FOXP1: variants seen among roughly 807,000 people sequenced by gnomAD.
The protein encoded by FOXP1 is forkhead box protein P1.
A neutral mutation model predicts 98.2 loss-of-function variants in FOXP1; 15 were observed. That is an observed-to-expected ratio of 0.15 (90% confidence interval 0.10 to 0.24). The LOEUF (loss-of-function observed/expected upper bound fraction) is 0.24. Ranked by LOEUF, FOXP1 falls within the 10% of genes least tolerant of loss-of-function variation. The probability of loss-of-function intolerance (pLI) is 1.00; values close to 1 mark genes in which losing one functional copy is unlikely to be tolerated. For synonymous variants in FOXP1, 371 were observed against 314.5 expected, an observed-to-expected ratio of 1.18 and a Z score of -1.90; for missense variants, 633 against 848.5, an observed-to-expected ratio of 0.75 and a Z score of 3.15.
intron 5 of FOXP1, among the ~76,000 whole-genome samples, chr3:71,248,613 C>A (rs142792846): frequency 5.9e-5 from 9 of 152,124 alleles, no homozygotes; most frequent in African/African-American, 2.2e-4. Flanking sequence ...TAGTGGCGCG[C>A]ACATGTAATC....
chr3:70,988,176 G>T, intron 13 of FOXP1, 99 bp from the exon 14 acceptor site: 1 of 1,047,792 alleles, frequency 9.5e-7, no homozygotes, highest in Non-Finnish European at 1.5e-6. Flanking sequence ...TGGCACCACA[G>T]CACATGATAA....
intron 5 of FOXP1, among the ~76,000 whole-genome samples, chr3:71,290,331 T>TAA (rs1458992898): frequency 2.0e-5 from 3 of 152,208 alleles, no homozygotes; most frequent in Non-Finnish European, 4.4e-5. Flanking sequence ...ACAAAAATCT[T>TAA]AAGAGTCTTC....
intron 5 of FOXP1, among the ~76,000 whole-genome samples, chr3:71,243,465 C>T: frequency 6.6e-6 from 1 of 152,250 alleles, no homozygotes; most frequent in Admixed American, 6.5e-5. Flanking sequence ...AAAAGCCAAG[C>T]ACTGTGGCAT....
In FOXP1 at chr3:71,014,818, AG is replaced by A. The variant is rs1047391553; in HGVS notation, c.974+730del. Among the ~76,000 whole-genome samples, 30 of 152,372 alleles carry A rather than the reference AG, an allele frequency of 2.0e-4. No homozygotes were observed. In the Middle Eastern group the frequency reaches 0.01, roughly 52 times the overall value. The stretch of plus-strand genomic sequence containing the variant: ...ATGGAATACTATGCAGCCATAAAAA[AG>A]GATGAGTTCATGTCCTCTGTAGGGA... On this transcript the variant is annotated intron_variant, in intron 12 of 20. Transcript: ENST00000649528.
intron 4 of FOXP1, among the ~76,000 whole-genome samples, chr3:71,348,594 G>A (rs545590546): frequency 6.6e-6 from 1 of 151,562 alleles, no homozygotes; most frequent in African/African-American, 2.4e-5. Context: ...AGTCACACAT[G>A]CAGGTGTGTA....
chr3:71,470,478 G>C (rs530611286), intron 3 of FOXP1, among the ~76,000 whole-genome samples: 64 of 152,272 alleles, frequency 4.2e-4, no homozygotes, highest in African/African-American at 1.5e-3. Flanking sequence ...GGTGGCTCAC[G>C]CCTTTAATCC....
chr3:71,338,297 C>T (rs1467712367), intron 4 of FOXP1, among the ~76,000 whole-genome samples: 1 of 151,180 alleles, frequency 6.6e-6, no homozygotes, highest in Non-Finnish European at 1.5e-5. Flanking sequence ...TAATCCTCTT[C>T]GGTTATTAGC....
At chr3:71,502,980 GAAAA>G (rs3037713) in intron 2 of FOXP1, among the ~76,000 whole-genome samples, 4 of 141,496 alleles carry the variant, frequency 2.8e-5, no homozygotes, top group Non-Finnish European at 6.1e-5. Flanking sequence ...TTTACAATTA[GAAAA>G]AAAAAAAAAA....
At chr3:71,579,632 C>CT (rs35646548) in intron 2 of FOXP1, among the ~76,000 whole-genome samples, 62,779 of 123,084 alleles carry the variant, frequency 0.51, 16,376 homozygotes, top group Non-Finnish European at 0.58. Context: ...TTTCTTTTTT[C>CT]TTTTTTTTTT....
intron 3 of FOXP1, among the ~76,000 whole-genome samples, chr3:71,370,704 T>C (rs1243114933): frequency 6.6e-6 from 1 of 152,028 alleles, no homozygotes; most frequent in Non-Finnish European, 1.5e-5. Context: ...AAACACCCTA[T>C]AACGGGCTTC....
At chr3:71,205,667 G>A (rs2063984065) in intron 5 of FOXP1, among the ~76,000 whole-genome samples, 1 of 152,204 alleles carries the variant, frequency 6.6e-6, no homozygotes, top group South Asian at 2.1e-4. Context: ...ACCAGCTGTA[G>A]GGGCACCCCT....
chr3:71,224,351 T>TG (rs1019700486), intron 5 of FOXP1, among the ~76,000 whole-genome samples: 7 of 151,952 alleles, frequency 4.6e-5, no homozygotes, highest in Non-Finnish European at 1.0e-4. Flanking sequence ...TGATCGTAGA[T>TG]GGAGTTGGGG....
intron 3 of FOXP1, among the ~76,000 whole-genome samples, chr3:71,375,754 G>C (rs1055200009): frequency 2.6e-5 from 4 of 152,182 alleles, no homozygotes; most frequent in African/African-American, 9.6e-5. Context: ...CACTGTTCTA[G>C]TTGTTGATAT....
intron 7 of FOXP1, 37 bp downstream of exon 7, chr3:71,112,499 G>A (rs1330910501): frequency 6.8e-7 from 1 of 1,462,112 alleles, no homozygotes; most frequent in Admixed American, 1.7e-5. Flanking sequence ...TATCCCAAAG[G>A]GTATAATGTC....
chr3:71,270,664 G>A (rs1296145096), intron 5 of FOXP1, among the ~76,000 whole-genome samples: 1 of 152,122 alleles, frequency 6.6e-6, no homozygotes, highest in African/African-American at 2.4e-5. Flanking sequence ...GCAGGGATGG[G>A]GCCCACCGTG....
At chr3:71,374,901 T>C (rs1372906601) in intron 3 of FOXP1, among the ~76,000 whole-genome samples, 1 of 152,200 alleles carries the variant, frequency 6.6e-6, no homozygotes, top group African/African-American at 2.4e-5. Flanking sequence ...CCTTCCTCTA[T>C]CTACTAGCCA....
intron 6 of FOXP1, among the ~76,000 whole-genome samples, chr3:71,196,877 G>T (rs1331074347): frequency 1.3e-5 from 2 of 152,184 alleles, no homozygotes; most frequent in Admixed American, 1.3e-4. Flanking sequence ...ATGAAAGAAA[G>T]ATCAAATCAC....
chr3:71,272,877 T>C (rs562838810), intron 5 of FOXP1, among the ~76,000 whole-genome samples: 7 of 152,268 alleles, frequency 4.6e-5, no homozygotes, highest in Non-Finnish European at 8.8e-5. Context: ...AGCTCAGGTC[T>C]AGCTTATTTC....
chr3:71,046,537 T>C (rs2049057466), intron 10 of FOXP1, among the ~76,000 whole-genome samples: 1 of 152,244 alleles, frequency 6.6e-6, no homozygotes, highest in African/African-American at 2.4e-5. Context: ...TTATAAAGCA[T>C]TACTAAGATT....
Sources: allele counts gnomAD v4.1 joint callset (sites outside exome capture counted in the v4.1 genomes callset), GRCh38; gene constraint gnomAD v4.1.1; transcripts MANE v1.5; gene names NCBI Gene and HGNC (gene_info 2026-07-23, HGNC 2026-07-21).